Variants in GPC6 observed in about 807,000 individuals in gnomAD.
GPC6 encodes glypican-6.
Under a neutral mutation model 55.2 loss-of-function variants are expected in GPC6, and 14 were observed. That is an observed-to-expected ratio of 0.25 (90% CI 0.17 to 0.40). The LOEUF is 0.40. Among genes scored for constraint, GPC6 ranks in the 10% least tolerant of loss-of-function variants. GPC6 has a pLI of 1.00. For synonymous variants in GPC6, 278 were observed against 259.6 expected (o/e 1.07, Z -0.68); for missense variants, 641 against 708.5 (o/e 0.90, Z 1.08).
At chr13:94,363,661 G>T (rs1217625952) in intron 6 of GPC6, among the ~76,000 whole-genome samples, 1 of 152,174 alleles carries the variant, frequency 6.6e-6, no homozygotes, top group African/African-American at 2.4e-5. Flanking sequence ...TGCTTAGGAA[G>T]GACCTTAGAC....
intron 4 of GPC6, among the ~76,000 whole-genome samples, chr13:94,275,917 C>G (rs947131161): frequency 1.3e-5 from 2 of 152,078 alleles, no homozygotes; most frequent in East Asian, 3.8e-4. Context: ...AAGATCCAAA[C>G]GTTTGATCTT....
chr13:93,785,121 C>T (rs750768543), intron 2 of GPC6, among the ~76,000 whole-genome samples: 17 of 152,264 alleles, frequency 1.1e-4, no homozygotes, highest in Admixed American at 3.9e-4. Context: ...GGGCACATTT[C>T]ACTGGGAAGC....
chr13:93,525,984 G>A (rs981290053), intron 1 of GPC6, among the ~76,000 whole-genome samples: 2 of 152,040 alleles, frequency 1.3e-5, no homozygotes, highest in African/African-American at 4.8e-5. Flanking sequence ...GAGTTTAAAA[G>A]TGCATTGTTT....
At chr13:93,433,768 A>G (rs1877461220) in intron 1 of GPC6, among the ~76,000 whole-genome samples, 1 of 152,132 alleles carries the variant, frequency 6.6e-6, no homozygotes. Context: ...GGGTTGGTGG[A>G]GGAAAACCGT....
intron 3 of GPC6, among the ~76,000 whole-genome samples, chr13:93,835,518 C>T (rs576442787): frequency 6.6e-6 from 1 of 152,158 alleles, no homozygotes; most frequent in Non-Finnish European, 1.5e-5. Context: ...TTTGGGAGGC[C>T]GAGACAGGCA....
chr13:93,250,559 C>T (rs1390919068), intron 1 of GPC6, among the ~76,000 whole-genome samples: 1 of 152,138 alleles, frequency 6.6e-6, no homozygotes, highest in Non-Finnish European at 1.5e-5. Context: ...ATGGGGGGAC[C>T]ATGACAAGCC....
At chr13:93,391,537 T>C (rs117609054) in intron 1 of GPC6, among the ~76,000 whole-genome samples, 2,260 of 152,316 alleles carry the variant, frequency 0.015, 93 homozygotes, top group Admixed American at 0.086. Flanking sequence ...CTTTGTACAG[T>C]ACAGGTTTTT....
chr13:93,544,152 A>G (rs1882448288), intron 1 of GPC6, among the ~76,000 whole-genome samples: 1 of 152,024 alleles, frequency 6.6e-6, no homozygotes, highest in African/African-American at 2.4e-5. Flanking sequence ...AAAAAGAAAA[A>G]AAAATGACTT....
chr13:94,349,093 C>T (rs1878416753), intron 6 of GPC6, among the ~76,000 whole-genome samples: 2 of 152,192 alleles, frequency 1.3e-5, no homozygotes, highest in Non-Finnish European at 2.9e-5. Context: ...CCTGTGGAAC[C>T]TCGAAAAGCC....
intron 6 of GPC6, among the ~76,000 whole-genome samples, chr13:94,310,352 G>T (rs1329442648): frequency 2.0e-5 from 3 of 152,162 alleles, no homozygotes; most frequent in Non-Finnish European, 4.4e-5. Flanking sequence ...TCTCCAGTAA[G>T]TATTCAACAC....
At chr13:94,181,863 A>G (rs1265869137) in intron 4 of GPC6, among the ~76,000 whole-genome samples, 3 of 152,216 alleles carry the variant, frequency 2.0e-5, no homozygotes, top group Non-Finnish European at 4.4e-5. Context: ...GCCTGGTGCT[A>G]TACTTCACAT....
intron 2 of GPC6, among the ~76,000 whole-genome samples, chr13:93,570,915 A>T (rs1321625251): frequency 2.0e-5 from 3 of 152,150 alleles, no homozygotes; most frequent in African/African-American, 7.2e-5. Context: ...TAATATTAAC[A>T]ATAATTTACT....
At position 93,928,246 on chromosome 13, in the gene GPC6, A is replaced by C. The variant is rs545906187; in HGVS notation, c.711+97701A>C. On this transcript the variant is annotated intron_variant, in intron 3 of 8. Coordinates refer to ENST00000377047, the MANE Select transcript of GPC6 (RefSeq NM_005708.5). ...TCCTGAATAATTAAACTGTATTGTAAAATAAAATGTTATTTCTTGGTTTTC... is the reference window on the plus strand; with the variant it reads ...TCCTGAATAATTAAACTGTATTGTACAATAAAATGTTATTTCTTGGTTTTC... Among the ~76,000 whole-genome samples, 4 of 152,318 alleles carry C rather than the reference A, an allele frequency of 2.6e-5. No homozygotes were observed. In the South Asian group the frequency reaches 8.3e-4, roughly 32 times the overall value.
intron 5 of GPC6, among the ~76,000 whole-genome samples, chr13:94,289,670 GA>G (rs1874850482): frequency 6.6e-6 from 1 of 152,052 alleles, no homozygotes; most frequent in African/African-American, 2.4e-5. Flanking sequence ...TCCAAACCTA[GA>G]AAAATAAATA....
At chr13:93,815,755 C>T (rs1594481050) in intron 2 of GPC6, among the ~76,000 whole-genome samples, 1 of 152,140 alleles carries the variant, frequency 6.6e-6, no homozygotes, top group Non-Finnish European at 1.5e-5. Context: ...TATGTAACTA[C>T]ATCAGGATAT....
At chr13:93,527,525 G>A (rs1311636878) in intron 1 of GPC6, among the ~76,000 whole-genome samples, 1 of 152,088 alleles carries the variant, frequency 6.6e-6, no homozygotes, top group Non-Finnish European at 1.5e-5. Flanking sequence ...ATGCTTGACT[G>A]TACTGCTGTT....
At chr13:94,340,764 C>T (rs533805298) in intron 6 of GPC6, among the ~76,000 whole-genome samples, 3 of 152,226 alleles carry the variant, frequency 2.0e-5, no homozygotes, top group South Asian at 2.1e-4. Flanking sequence ...AAAGAACACT[C>T]GTTTCTTTTC....
intron 2 of GPC6, among the ~76,000 whole-genome samples, chr13:93,577,881 C>A (rs1876739548): frequency 6.6e-6 from 1 of 151,996 alleles, no homozygotes; most frequent in African/African-American, 2.4e-5. Context: ...GAGGTATGTT[C>A]CTTCTATACC....
chr13:93,273,550 C>T (rs1358215661), intron 1 of GPC6, among the ~76,000 whole-genome samples: 3 of 151,758 alleles, frequency 2.0e-5, no homozygotes, highest in Non-Finnish European at 4.4e-5. Context: ...CCCAGCTACT[C>T]GGGAGGCTGA....
Sources: gnomAD v4.1 joint callset for allele counts (sites outside exome capture counted in the v4.1 genomes callset) on GRCh38, gnomAD v4.1.1 for gene constraint, MANE v1.5 for transcripts, NCBI Gene and HGNC (gene_info 2026-07-23, HGNC 2026-07-21) for gene names.